Variants in SLCO6A1 observed in about 807,000 individuals in gnomAD.
The protein encoded by SLCO6A1 is cancer/testis antigen 48.
SLCO6A1 carries 65 observed loss-of-function variants against 72.7 expected under a neutral mutation model. That is an observed-to-expected ratio of 0.89 (90% CI 0.73 to 1.10). The LOEUF is 1.10. Among genes scored for constraint, SLCO6A1 ranks in the 50% least tolerant of loss-of-function variants. The probability of loss-of-function intolerance (pLI) is 0.00; values close to 1 mark genes in which losing one functional copy is unlikely to be tolerated. For synonymous variants in SLCO6A1, 314 were observed against 298.2 expected (o/e 1.05, Z -0.55); for missense variants, 874 against 872.6 (o/e 1.00, Z -0.02).
At chr5:102,415,710 A>G (rs1019867536) in intron 8 of SLCO6A1, among the ~76,000 whole-genome samples, 3 of 152,144 alleles carry the variant, frequency 2.0e-5, no homozygotes, top group African/African-American at 7.2e-5. Context: ...GACAAATGGG[A>G]CTTAATTAAA....
At chr5:102,443,719 T>C (rs550380076) in intron 6 of SLCO6A1, among the ~76,000 whole-genome samples, 1 of 152,346 alleles carries the variant, frequency 6.6e-6, no homozygotes, top group African/African-American at 2.4e-5. Context: ...GCCATAGATT[T>C]CCTTCCAATA....
In SLCO6A1 at chr5:102,480,347, T is replaced by C; in HGVS notation, c.446A>G (p.Lys149Arg). The change falls in exon 2 of 14, where the codon AAG (lysine) becomes AGG (arginine). Residue 149 changes from lysine (K) to arginine (R), a missense_variant. Coordinates refer to ENST00000506729, the MANE Select transcript of SLCO6A1 (RefSeq NM_173488.5). ...CAGGCCAGATGAAATATCGTAACTC[T>C]TTTCCAATGCCAACTTCTCAATGGT... ...LKTIEKLALE[K>R]SYDISSGLVA... 7 of 1,613,616 alleles carry C rather than the reference T, an allele frequency of 4.3e-6. No homozygotes were observed. Among genetic ancestry groups the C allele is most frequent in the Non-Finnish European group, 5.9e-6 (7 of 1,179,752 alleles).
intron 4 of SLCO6A1, among the ~76,000 whole-genome samples, chr5:102,470,740 C>T (rs540098117): frequency 6.6e-6 from 1 of 151,930 alleles, no homozygotes; most frequent in South Asian, 2.1e-4. Flanking sequence ...CTCTTCTGGG[C>T]CTAGCTACCC....
intron 7 of SLCO6A1, among the ~76,000 whole-genome samples, chr5:102,436,301 G>A (rs7732036): frequency 0.054 from 8,225 of 152,142 alleles, 732 homozygotes; most frequent in African/African-American, 0.19. Context: ...TAGACTCAAT[G>A]GCTCTAACTT....
chr5:102,438,845 C>G, intron 6 of SLCO6A1, 84 bp from the exon 7 acceptor site: 1 of 1,008,486 alleles, frequency 9.9e-7, no homozygotes, highest in Non-Finnish European at 1.3e-6. Flanking sequence ...AATGATCTGT[C>G]TACAAAAATT....
chr5:102,464,403 TAATG>T (rs1472706679), intron 4 of SLCO6A1, among the ~76,000 whole-genome samples: 3 of 151,942 alleles, frequency 2.0e-5, no homozygotes, highest in Non-Finnish European at 4.4e-5. Context: ...CTATAAGAAA[TAATG>T]AACCAATATA....
At chr5:102,462,384 A>C (rs925998482) in intron 4 of SLCO6A1, among the ~76,000 whole-genome samples, 3 of 152,196 alleles carry the variant, frequency 2.0e-5, no homozygotes, top group African/African-American at 7.2e-5. Context: ...TAGAAAAAAC[A>C]ATCCTAAAAT....
rs368697499 is a variant in SLCO6A1 at position 102,497,631 on chromosome 5, G to A, written c.358+856C>T. 4.5e-4 allele frequency among the ~76,000 whole-genome samples: 68 copies of A among 152,330 alleles called. No homozygotes were observed. In the East Asian group the frequency reaches 8.3e-3, roughly 19 times the overall value. On this transcript the variant is annotated intron_variant, in intron 1 of 13. Transcript: ENST00000506729. ...AATTATAAATGAGGAAATTATGACA[G>A]TGAAACAGATTGGACCTAATCCACT...
In SLCO6A1 at chr5:102,467,033, C is replaced by T. The variant is rs554919357; in HGVS notation, c.900-7256G>A. Among the ~76,000 whole-genome samples the T allele has an allele frequency of 1.7e-3, 252 of 152,052 alleles. 1 individual carries two copies. The highest frequency in any genetic ancestry group is 5.8e-3 in the African/African-American group (243 of 41,542). The stretch of plus-strand genomic sequence containing the variant: ...CTCTTTAGTTTAATCAGATCTCAAT[C>T]GTCAATTTTTGTTTTTGTTGCAATT... On this transcript the variant is annotated intron_variant, in intron 4 of 13. Coordinates refer to ENST00000506729, the MANE Select transcript of SLCO6A1 (RefSeq NM_173488.5).
intron 6 of SLCO6A1, among the ~76,000 whole-genome samples, chr5:102,439,074 T>C (rs1749702808): frequency 6.6e-6 from 1 of 152,008 alleles, no homozygotes; most frequent in African/African-American, 2.4e-5. Flanking sequence ...TAGAGAAAAA[T>C]AGGTAAATTA....
intron 1 of SLCO6A1, among the ~76,000 whole-genome samples, chr5:102,491,390 G>A (rs1019347749): frequency 3.9e-5 from 6 of 152,240 alleles, no homozygotes; most frequent in Admixed American, 6.5e-5. Context: ...CGGTGCACCC[G>A]CACTCCTCAG....
intron 9 of SLCO6A1, among the ~76,000 whole-genome samples, chr5:102,407,956 T>C (rs1253177784): frequency 6.6e-6 from 1 of 152,152 alleles, no homozygotes; most frequent in Non-Finnish European, 1.5e-5. Context: ...ATGGCATGTC[T>C]GGATTGCTGA....
intron 4 of SLCO6A1, among the ~76,000 whole-genome samples, chr5:102,463,562 A>G (rs1472758257): frequency 6.6e-6 from 1 of 152,240 alleles, no homozygotes; most frequent in Non-Finnish European, 1.5e-5. Flanking sequence ...TGTGGTATAT[A>G]TACACCATGG....
intron 9 of SLCO6A1, among the ~76,000 whole-genome samples, chr5:102,400,302 A>G (rs1747327895): frequency 6.6e-6 from 1 of 151,974 alleles, no homozygotes; most frequent in African/African-American, 2.4e-5. Context: ...AAAAAAGTGT[A>G]TAATAATAAA....
intron 1 of SLCO6A1, among the ~76,000 whole-genome samples, chr5:102,485,253 A>AAAATAAATAAAT (rs71620660): frequency 2.0e-4 from 29 of 145,286 alleles, no homozygotes; most frequent in East Asian, 8.1e-4. Context: ...CTCCATCTCA[A>AAAATAAATAAAT]AAATAAATAA....
intron 6 of SLCO6A1, 140 bp downstream of exon 6, chr5:102,458,242 A>G (rs1032477456): frequency 4.6e-5 from 27 of 587,284 alleles, no homozygotes; most frequent in Non-Finnish European, 7.1e-5. Context: ...CCTAAAACTT[A>G]AAGTATAATA....
At position 102,435,875 on chromosome 5, in the gene SLCO6A1, CAA is replaced by C. The variant is rs1201565012; in HGVS notation, c.1276+2740_1276+2741del. 3.1e-3 allele frequency among the ~76,000 whole-genome samples: 334 copies of C among 106,496 alleles called. 3 individuals are homozygous for C. Among genetic ancestry groups the C allele is most frequent in the African/African-American group, 9.8e-3 (284 of 28,976 alleles). 69.9% of individuals were successfully genotyped at this position (106,496 alleles called of 152,430 possible). A position where few individuals can be genotyped will look rare whatever the true frequency, so the allele number is the denominator to read the frequency against. On this transcript the variant is annotated intron_variant, in intron 7 of 13. Coordinates refer to ENST00000506729, the MANE Select transcript of SLCO6A1 (RefSeq NM_173488.5). ...GGGCAACAAGAGTGAAACTCCATCT[CAA>C]AAAAAAAAAAAAAAGTTATCAGGAG...
At chr5:102,438,566 A>G in intron 7 of SLCO6A1, 51 bp downstream of exon 7, 1 of 1,404,628 alleles carries the variant, frequency 7.1e-7, no homozygotes, top group South Asian at 1.5e-5. Flanking sequence ...ATAAGTACAT[A>G]CAATAAGACA....
At chr5:102,458,542 C>T (rs755104517) in intron 5 of SLCO6A1, 51 bp from the exon 6 acceptor site, 1 of 1,325,292 alleles carries the variant, frequency 7.5e-7, no homozygotes, top group African/African-American at 1.5e-5. Flanking sequence ...TAACTAAAAC[C>T]CATACATAAA....
Sources: allele counts gnomAD v4.1 joint callset (sites outside exome capture counted in the v4.1 genomes callset), GRCh38; gene constraint gnomAD v4.1.1; transcripts MANE v1.5; gene names NCBI Gene and HGNC (gene_info 2026-07-23, HGNC 2026-07-21).